GALNTL6: variants seen among roughly 807,000 people sequenced by gnomAD.
GALNTL6 encodes polypeptide N-acetylgalactosaminyltransferase like 6.
A neutral mutation model predicts 73.7 loss-of-function variants in GALNTL6; 46 were observed. The ratio of observed to expected loss-of-function variants is 0.62; its 90% CI spans 0.49 to 0.80. The LOEUF is 0.80. Ranked by LOEUF, GALNTL6 falls within the 30% of genes least tolerant of loss-of-function variation. The pLI is 0.00. For synonymous variants in GALNTL6, 259 were observed against 263.7 expected (o/e 0.98, Z 0.17); for missense variants, 604 against 755.0 (o/e 0.80, Z 2.34).
At chr4:172,783,412 A>G (rs540801008) in intron 5 of GALNTL6, among the ~76,000 whole-genome samples, 1 of 147,504 alleles carries the variant, frequency 6.8e-6, no homozygotes, top group African/African-American at 2.5e-5. Flanking sequence ...AATATTATTT[A>G]TAATAATAAT....
Position 172,294,859 on chromosome 4 carries a change from G to A in GALNTL6, c.248-16755G>A, listed in dbSNP as rs1739610885. Among the ~76,000 whole-genome samples the A allele has an allele frequency of 3.3e-5, 5 of 152,058 alleles. No homozygotes were observed. The South Asian group carries it at 1.0e-3, about 32-fold the overall frequency. On this transcript the variant is annotated intron_variant, in intron 3 of 12. Transcript: ENST00000506823. Reference sequence around the variant, plus strand: ...AAAATTAGGAAATAAAAGCTTTTCAGAAGCCCACATAGAAAGCTGAAAAAA... The same window carrying A: ...AAAATTAGGAAATAAAAGCTTTTCAAAAGCCCACATAGAAAGCTGAAAAAA...
At chr4:171,843,280 T>TA (rs1735288832) in intron 2 of GALNTL6, among the ~76,000 whole-genome samples, 1 of 151,786 alleles carries the variant, frequency 6.6e-6, no homozygotes, top group Admixed American at 6.6e-5. Context: ...ACCACAAACA[T>TA]AAAAAAATGA....
intron 2 of GALNTL6, among the ~76,000 whole-genome samples, chr4:172,183,398 C>T (rs1037292011): frequency 2.0e-5 from 3 of 152,076 alleles, no homozygotes; most frequent in Non-Finnish European, 4.4e-5. Context: ...CTGTCAGAAT[C>T]GATCTATGAA....
intron 5 of GALNTL6, among the ~76,000 whole-genome samples, chr4:172,418,449 T>C (rs1389337582): frequency 6.6e-6 from 1 of 152,142 alleles, no homozygotes; most frequent in Admixed American, 6.6e-5. Flanking sequence ...GACAACTGTA[T>C]GCCCCTTTGG....
rs561343236 is a variant in GALNTL6, at chr4:172,166,097, C to T, written c.139-63559C>T. ...CTTATAAATGCAAATATTATGTGTTCGTAATATGGCTTGAGCATGAAAATA... is the reference window on the plus strand; with the variant it reads ...CTTATAAATGCAAATATTATGTGTTTGTAATATGGCTTGAGCATGAAAATA... On this transcript the variant is annotated intron_variant, in intron 2 of 12. Coordinates refer to ENST00000506823, the MANE Select transcript of GALNTL6 (RefSeq NM_001034845.3). 4.6e-5 allele frequency among the ~76,000 whole-genome samples: 7 copies of T among 152,230 alleles called. No homozygotes were observed. The South Asian group carries it at 6.2e-4, about 14-fold the overall frequency.
At chr4:172,905,130 A>T (rs1366399749) in intron 8 of GALNTL6, among the ~76,000 whole-genome samples, 1 of 152,182 alleles carries the variant, frequency 6.6e-6, no homozygotes, top group Non-Finnish European at 1.5e-5. Flanking sequence ...TTAATTTCTT[A>T]TCCCATTCAA....
At chr4:172,592,696 C>CTATCTATA (rs1737693823) in intron 5 of GALNTL6, among the ~76,000 whole-genome samples, 1 of 151,868 alleles carries the variant, frequency 6.6e-6, no homozygotes, top group Non-Finnish European at 1.5e-5. Context: ...ATCTATCTAT[C>CTATCTATA]TATCTATCTA....
chr4:172,157,395 C>G (rs1734319886), intron 2 of GALNTL6, among the ~76,000 whole-genome samples: 2 of 152,180 alleles, frequency 1.3e-5, no homozygotes, highest in African/African-American at 4.8e-5. Context: ...TTTCTCCACA[C>G]TTTTTCTTTC....
At chr4:172,843,698 G>A (rs1295300948) in intron 7 of GALNTL6, among the ~76,000 whole-genome samples, 1 of 152,204 alleles carries the variant, frequency 6.6e-6, no homozygotes, top group East Asian at 1.9e-4. Context: ...ATTATGGAAT[G>A]CATCACAAAA....
At chr4:172,531,158 G>A (rs1465033199) in intron 5 of GALNTL6, among the ~76,000 whole-genome samples, 1 of 152,188 alleles carries the variant, frequency 6.6e-6, no homozygotes, top group Non-Finnish European at 1.5e-5. Flanking sequence ...ATTTCAGTGA[G>A]AATTCTGTTT....
At chr4:172,477,082 C>T (rs928131338) in intron 5 of GALNTL6, among the ~76,000 whole-genome samples, 44 of 151,476 alleles carry the variant, frequency 2.9e-4, no homozygotes, top group African/African-American at 9.7e-4. Flanking sequence ...CCACCACGCC[C>T]GGCTAATTTC....
At chr4:172,477,885 A>T (rs1021609932) in intron 5 of GALNTL6, among the ~76,000 whole-genome samples, 1 of 152,196 alleles carries the variant, frequency 6.6e-6, no homozygotes, top group Non-Finnish European at 1.5e-5. Flanking sequence ...AATATGCAGT[A>T]GAAAAAAAAC....
chr4:172,404,732 A>G (rs983759074), intron 5 of GALNTL6, among the ~76,000 whole-genome samples: 61 of 152,252 alleles, frequency 4.0e-4, no homozygotes, highest in African/African-American at 1.4e-3. Context: ...CTAATAGTAC[A>G]TAATATAGCC....
intron 5 of GALNTL6, among the ~76,000 whole-genome samples, chr4:172,729,507 A>G (rs1736025845): frequency 6.6e-6 from 1 of 152,094 alleles, no homozygotes; most frequent in Non-Finnish European, 1.5e-5. Context: ...TCCTCATTGT[A>G]AGTTTTTGGT....
chr4:172,052,592 C>T (rs1178142512), intron 2 of GALNTL6: 1 of 1,106,816 alleles, frequency 9.0e-7, no homozygotes, highest in African/African-American at 1.6e-5. Context: ...TGGTTCGTCT[C>T]ATGGACGCTT....
intron 2 of GALNTL6, among the ~76,000 whole-genome samples, chr4:172,176,401 C>T (rs1315361729): frequency 3.0e-5 from 4 of 133,938 alleles, no homozygotes; most frequent in African/African-American, 5.5e-5. Flanking sequence ...ATGAAAATAA[C>T]GTTTATAGCC....
chr4:173,021,784 G>A (rs1753001030), intron 12 of GALNTL6, among the ~76,000 whole-genome samples, 159 bp downstream of exon 12: 1 of 151,894 alleles, frequency 6.6e-6, no homozygotes, highest in Non-Finnish European at 1.5e-5. Flanking sequence ...ACCTGAGGTT[G>A]GAGTTTGAGA....
At chr4:172,061,209 TTC>T (rs146148634) in intron 2 of GALNTL6, among the ~76,000 whole-genome samples, 8 of 151,294 alleles carry the variant, frequency 5.3e-5, no homozygotes, top group African/African-American at 1.9e-4. Flanking sequence ...TCTCTCTGTA[TTC>T]TCTCTCTCTC....
chr4:171,844,521 GTTTTA>G (rs1735321494), intron 2 of GALNTL6, among the ~76,000 whole-genome samples: 1 of 152,068 alleles, frequency 6.6e-6, no homozygotes, highest in Non-Finnish European at 1.5e-5. Flanking sequence ...TTTGTTTTAA[GTTTTA>G]TTTTCAGATG....
Sources: gnomAD v4.1 joint callset for allele counts (sites outside exome capture counted in the v4.1 genomes callset) on GRCh38, gnomAD v4.1.1 for gene constraint, MANE v1.5 for transcripts, NCBI Gene and HGNC (gene_info 2026-07-23, HGNC 2026-07-21) for gene names.